The following CD44 variants were observed in gnomAD, a reference collection of about 807,000 sequenced individuals.
The protein encoded by CD44 is CD44 molecule (IN blood group).
A neutral mutation model predicts 88.8 loss-of-function variants in CD44; 49 were observed. That is an observed-to-expected ratio of 0.55 (90% confidence interval 0.44 to 0.70). The LOEUF is 0.70. CD44 is among the 30% of genes least tolerant of loss of function. The probability of loss-of-function intolerance (pLI) is 0.00; values close to 1 mark genes in which losing one functional copy is unlikely to be tolerated. For synonymous variants in CD44, 325 were observed against 312.3 expected, an observed-to-expected ratio of 1.04 and a Z score of -0.43; for missense variants, 883 against 913.8, an observed-to-expected ratio of 0.97 and a Z score of 0.43.
chr11:35,175,406 T>C (rs1356227287), intron 1 of CD44, among the ~76,000 whole-genome samples: 4 of 152,212 alleles, frequency 2.6e-5, no homozygotes, highest in African/African-American at 4.8e-5. Context: ...TAGAACTGTA[T>C]ATTCAGTACC....
At chr11:35,159,114 G>A (rs975770098) in intron 1 of CD44, among the ~76,000 whole-genome samples, 3 of 152,188 alleles carry the variant, frequency 2.0e-5, no homozygotes, top group Admixed American at 1.3e-4. Flanking sequence ...TGAGAAGTTT[G>A]GAGTTTCCCA....
In CD44 at chr11:35,211,802, G is replaced by A. The variant is rs1168276465; in HGVS notation, c.1810+353G>A. On this transcript the variant is annotated intron_variant, in intron 14 of 17. Transcript: ENST00000428726. ...ACATGAAACTGATATTTTTGCAGGT[G>A]AAAGTAGTCGAATTTTAGCAATTCC... Among the ~76,000 whole-genome samples the A allele has an allele frequency of 3.3e-5, 5 of 152,086 alleles. No individual in the cohort carries two copies. The South Asian group carries it at 1.0e-3, about 32-fold the overall frequency.
chr11:35,157,667 A>G (rs113658481), intron 1 of CD44, among the ~76,000 whole-genome samples: 2,567 of 152,264 alleles, frequency 0.017, 54 homozygotes, highest in Admixed American at 0.039. Context: ...GAGCCACCCC[A>G]GTCCCTGTAC....
intron 1 of CD44, among the ~76,000 whole-genome samples, chr11:35,152,672 C>T (rs1166524336): frequency 6.6e-6 from 1 of 152,120 alleles, no homozygotes; most frequent in African/African-American, 2.4e-5. Flanking sequence ...TGGTTGACCC[C>T]AATCATTGAA....
intron 2 of CD44, among the ~76,000 whole-genome samples, chr11:35,178,783 G>A (rs1435907810): frequency 6.6e-6 from 1 of 152,148 alleles, no homozygotes; most frequent in Non-Finnish European, 1.5e-5. Flanking sequence ...GAGTTGGTGG[G>A]TAGGTTCACC....
chr11:35,186,953 C>G, intron 4 of CD44, 53 bp downstream of exon 4: 1 of 1,031,508 alleles, frequency 9.7e-7, no homozygotes, highest in Non-Finnish European at 1.5e-6. Context: ...GGAAAGGGCT[C>G]AGGTGTGTTC....
intron 1 of CD44, among the ~76,000 whole-genome samples, chr11:35,157,449 A>G (rs1171564171): frequency 6.6e-6 from 1 of 151,794 alleles, no homozygotes; most frequent in Non-Finnish European, 1.5e-5. Flanking sequence ...ATCTTTATCT[A>G]TTTATATCTA....
At chr11:35,223,517 C>G (rs145451052) in intron 17 of CD44, among the ~76,000 whole-genome samples, 1 of 152,234 alleles carries the variant, frequency 6.6e-6, no homozygotes, top group East Asian at 1.9e-4. Context: ...GGTATCTCCC[C>G]CATCGTCTGT....
intron 3 of CD44, 132 bp downstream of exon 3, chr11:35,180,539 C>A (rs1944888465): frequency 5.3e-6 from 5 of 942,762 alleles, no homozygotes; most frequent in African/African-American, 1.6e-5. Context: ...TACAGCAGAG[C>A]CAACATTCCT....
intron 1 of CD44, among the ~76,000 whole-genome samples, chr11:35,154,888 GA>G (rs143808503): frequency 0.048 from 7,363 of 152,182 alleles, 251 homozygotes; most frequent in Admixed American, 0.12. Context: ...ATGATTCCAG[GA>G]AGTCAATGAT....
intron 1 of CD44, 67 bp from the exon 2 acceptor site, chr11:35,176,508 A>G: frequency 6.7e-7 from 1 of 1,492,932 alleles, no homozygotes; most frequent in Non-Finnish European, 9.2e-7. Context: ...TCTGTCCTAA[A>G]CTGAACTTAT....
intron 1 of CD44, chr11:35,139,676 C>T (rs1055308746): frequency 9.5e-6 from 6 of 633,828 alleles, no homozygotes; most frequent in African/African-American, 7.1e-5. Flanking sequence ...ACCGTTCTCC[C>T]GGATGCGCAC....
At chr11:35,139,464 A>C in intron 1 of CD44, 94 bp downstream of exon 1, 2 of 1,123,900 alleles carry the variant, frequency 1.8e-6, no homozygotes, top group Non-Finnish European at 1.3e-6. Context: ...GCCCTGGGGG[A>C]CTGGAGTCAA....
intron 1 of CD44, among the ~76,000 whole-genome samples, chr11:35,149,683 C>T (rs550319316): frequency 6.6e-6 from 1 of 152,190 alleles, no homozygotes; most frequent in African/African-American, 2.4e-5. Context: ...GCCTCATGTT[C>T]TATAAATTCA....
chr11:35,151,494 A>G (rs954747363), intron 1 of CD44, among the ~76,000 whole-genome samples: 8 of 152,216 alleles, frequency 5.3e-5, no homozygotes, highest in Non-Finnish European at 8.8e-5. Flanking sequence ...TGGCAATAGC[A>G]AATAGATTTT....
In CD44 at chr11:35,193,698, C is replaced by A. The variant is rs146720107; in HGVS notation, c.668-3048C>A. 2.5e-4 allele frequency among the ~76,000 whole-genome samples: 38 copies of A among 152,126 alleles called. 1 individual carries two copies. The East Asian group carries it at 6.7e-3, about 27-fold the overall frequency. On this transcript the variant is annotated intron_variant, in intron 5 of 17. Coordinates refer to ENST00000428726, the MANE Select transcript of CD44 (RefSeq NM_000610.4). ...CTGGACTCAAGTCAAACTTGAGAGT[C>A]GAATGAGAGATTTTAAATTGCAAAA...
At chr11:35,209,756 G>C (rs1300384227) in intron 12 of CD44, among the ~76,000 whole-genome samples, 1 of 152,146 alleles carries the variant, frequency 6.6e-6, no homozygotes, top group Non-Finnish European at 1.5e-5. Flanking sequence ...ATTATACTGA[G>C]AAATAAAGGG....
chr11:35,200,769 G>A (rs903144625), intron 7 of CD44: 2 of 298,876 alleles, frequency 6.7e-6, no homozygotes, highest in Non-Finnish European at 6.5e-6. Context: ...GGTTATCCTC[G>A]GTGGAGGGCT....
At chr11:35,182,479 A>C (rs1174434568) in intron 3 of CD44, among the ~76,000 whole-genome samples, 2 of 152,216 alleles carry the variant, frequency 1.3e-5, no homozygotes, top group African/African-American at 4.8e-5. Flanking sequence ...ATATGAGTGA[A>C]GAACACAAAT....
Sources: allele counts gnomAD v4.1 joint callset (sites outside exome capture counted in the v4.1 genomes callset), GRCh38; gene constraint gnomAD v4.1.1; transcripts MANE v1.5; gene names NCBI Gene and HGNC (gene_info 2026-07-23, HGNC 2026-07-21).